The following RBFOX1 variants were observed in gnomAD, a reference collection of about 807,000 sequenced individuals.
RBFOX1 encodes the protein RNA binding protein fox-1 homolog 1.
In RBFOX1, 8 loss-of-function variants were observed where a neutral mutation model predicts 57.7. The ratio of observed to expected loss-of-function variants is 0.14; its 90% CI spans 0.08 to 0.25. The LOEUF is 0.25. Ranked by LOEUF, RBFOX1 falls within the 10% of genes least tolerant of loss-of-function variation. The pLI, the probability that RBFOX1 is intolerant of heterozygous loss-of-function variation, is 1.00. For missense variants in RBFOX1, 611 were observed against 548.5 expected, an observed-to-expected ratio of 1.11 and a Z score of -1.14; for synonymous variants, 326 against 222.4, an observed-to-expected ratio of 1.47 and a Z score of -4.15.
intron 3 of RBFOX1, among the ~76,000 whole-genome samples, chr16:5,710,485 C>G (rs2051445268): frequency 6.6e-6 from 1 of 152,166 alleles, no homozygotes; most frequent in Non-Finnish European, 1.5e-5. Flanking sequence ...TAACACAAGT[C>G]ACAATGCTGC....
intron 3 of RBFOX1, among the ~76,000 whole-genome samples, chr16:6,990,381 C>T (rs192417511): frequency 3.3e-5 from 5 of 151,924 alleles, no homozygotes; most frequent in Admixed American, 6.6e-5. Flanking sequence ...AAAAGTTAGC[C>T]GGTAGTGGTG....
chr16:6,369,764 C>T (rs2090161240), intron 2 of RBFOX1, among the ~76,000 whole-genome samples: 1 of 152,158 alleles, frequency 6.6e-6, no homozygotes, highest in African/African-American at 2.4e-5. Context: ...AGTGTCAGTT[C>T]CAGACATGTT....
chr16:7,587,104 A>G (rs1052461166), intron 6 of RBFOX1, 143 bp from the exon 7 acceptor site: 3 of 1,079,206 alleles, frequency 2.8e-6, no homozygotes, highest in Non-Finnish European at 3.6e-6. Context: ...CTCTTGTTTC[A>G]AGCACATTAA....
intron 4 of RBFOX1, among the ~76,000 whole-genome samples, chr16:5,892,055 C>T (rs1252343358): frequency 6.6e-6 from 1 of 152,140 alleles, no homozygotes; most frequent in Non-Finnish European, 1.5e-5. Flanking sequence ...TTTGCATTCC[C>T]GTTAGGCACA....
intron 11 of RBFOX1, among the ~76,000 whole-genome samples, chr16:7,645,721 G>A (rs2063614113): frequency 6.6e-6 from 1 of 152,142 alleles, no homozygotes; most frequent in African/African-American, 2.4e-5. Context: ...AAATGAGAAT[G>A]TCCTAGAAGA....
At chr16:6,456,077 G>T (rs1390237461) in intron 2 of RBFOX1, among the ~76,000 whole-genome samples, 1 of 152,156 alleles carries the variant, frequency 6.6e-6, no homozygotes, top group Non-Finnish European at 1.5e-5. Flanking sequence ...TATATGTCGA[G>T]CTATATTGCT....
Position 5,346,780 on chromosome 16 carries a change from G to T in RBFOX1, c.219+106675G>T, listed in dbSNP as rs114938321. On this transcript the variant is annotated intron_variant, in intron 1 of 2. Transcript: ENST00000585867. ...TCTGGAGCTGAGCTGTCTCAGCCCA[G>T]TCCCAGCTCTGTAGTCAAGTGTCTC... Among the ~76,000 whole-genome samples the T allele has an allele frequency of 3.6e-3, 542 of 152,278 alleles. 2 individuals carry two copies. Among genetic ancestry groups the T allele is most frequent in the African/African-American group, 0.013 (522 of 41,548 alleles).
At chr16:7,547,481 G>A (rs2084911234) in intron 5 of RBFOX1, among the ~76,000 whole-genome samples, 2 of 152,068 alleles carry the variant, frequency 1.3e-5, no homozygotes, top group Admixed American at 1.3e-4. Flanking sequence ...ATCTGACTGG[G>A]GCATTTAGTC....
intron 4 of RBFOX1, among the ~76,000 whole-genome samples, chr16:7,255,425 T>G (rs2094637990): frequency 6.6e-6 from 1 of 152,244 alleles, no homozygotes; most frequent in Non-Finnish European, 1.5e-5. Context: ...AATAACATTT[T>G]GTTATATCCA....
At chr16:6,439,557 G>T (rs943948706) in intron 2 of RBFOX1, among the ~76,000 whole-genome samples, 4 of 152,118 alleles carry the variant, frequency 2.6e-5, no homozygotes, top group Non-Finnish European at 5.9e-5. Flanking sequence ...TGCAGTTTGG[G>T]TACAGGGAAG....
intron 3 of RBFOX1, among the ~76,000 whole-genome samples, chr16:5,742,337 T>TCC (rs1247376340): frequency 2.9e-5 from 4 of 138,548 alleles, no homozygotes; most frequent in Non-Finnish European, 6.2e-5. Flanking sequence ...CCTTCCTTCC[T>TCC]CTCCTAACTT....
chr16:6,948,997 G>A (rs1192051548), intron 3 of RBFOX1, among the ~76,000 whole-genome samples: 2 of 152,118 alleles, frequency 1.3e-5, no homozygotes, highest in East Asian at 1.9e-4. Context: ...TTTCTCAAAG[G>A]AAGGGATTCT....
At chr16:7,056,333 G>A (rs1463655580) in intron 4 of RBFOX1, among the ~76,000 whole-genome samples, 1 of 152,174 alleles carries the variant, frequency 6.6e-6, no homozygotes, top group East Asian at 1.9e-4. Context: ...TCAATCTAGA[G>A]TAGACTGAGT....
intron 4 of RBFOX1, among the ~76,000 whole-genome samples, chr16:5,967,690 C>A (rs923475340): frequency 6.6e-6 from 1 of 152,066 alleles, no homozygotes; most frequent in Non-Finnish European, 1.5e-5. Flanking sequence ...CTTCTTCTTC[C>A]CCCTAAGAAT....
chr16:5,674,424 C>G (rs772210369), intron 3 of RBFOX1, among the ~76,000 whole-genome samples: 1 of 152,006 alleles, frequency 6.6e-6, no homozygotes. Flanking sequence ...GTAACATGCC[C>G]GGGCGCAGGT....
chr16:5,750,494 T>C (rs890462272), intron 3 of RBFOX1, among the ~76,000 whole-genome samples: 5 of 152,242 alleles, frequency 3.3e-5, no homozygotes. Flanking sequence ...GCAGGCCTCC[T>C]TGAGCTGTGG....
chr16:6,654,968 C>T (rs527733655), intron 3 of RBFOX1, among the ~76,000 whole-genome samples: 11 of 148,240 alleles, frequency 7.4e-5, no homozygotes, highest in Middle Eastern at 3.4e-3. Flanking sequence ...TTGATGTTGA[C>T]GTTCATTGTG....
intron 3 of RBFOX1, among the ~76,000 whole-genome samples, chr16:6,809,975 C>G (rs989393496): frequency 1.3e-5 from 2 of 151,262 alleles, no homozygotes; most frequent in Admixed American, 6.6e-5. Flanking sequence ...GATCAGACAT[C>G]TAGAGCTTGT....
chr16:5,434,317 C>CTTTT lies in RBFOX1; in HGVS notation c.220-32880_220-32877dup, dbSNP rs5815245. Among the ~76,000 whole-genome samples the CTTTT allele has an allele frequency of 3.4e-4, 27 of 79,732 alleles. 2 individuals are homozygous for CTTTT. The highest frequency in any genetic ancestry group is 8.1e-4 in the African/African-American group (16 of 19,706). The allele number at this position is 79,732 out of a possible 152,430, so 52.3% of individuals were successfully genotyped here. On this transcript the variant is annotated intron_variant, in intron 1 of 2. Transcript: ENST00000585867. ...AGAGGGAGCCATCTCTGCTGAAGTC[C>CTTTT]TTTTTTTTTTTTTTTTTTTTTTGAG... is the stretch of plus-strand genomic sequence containing the variant.
Sources: allele counts gnomAD v4.1 joint callset (sites outside exome capture counted in the v4.1 genomes callset), GRCh38; gene constraint gnomAD v4.1.1; transcripts MANE v1.5; gene names NCBI Gene and HGNC (gene_info 2026-07-23, HGNC 2026-07-21).